SLC36A1: variants seen among roughly 807,000 people sequenced by gnomAD.
SLC36A1 encodes the protein solute carrier family 36 member 1.
In SLC36A1, 30 loss-of-function variants were observed where a neutral mutation model predicts 47.5. The ratio of observed to expected loss-of-function variants is 0.63; its 90% CI spans 0.47 to 0.86. The LOEUF is 0.86. Ranked by LOEUF, SLC36A1 falls within the 40% of genes least tolerant of loss-of-function variation. SLC36A1 has a pLI of 0.00. For missense variants in SLC36A1, 517 were observed against 606.0 expected, an observed-to-expected ratio of 0.85 and a Z score of 1.54; for synonymous variants, 255 against 249.7, an observed-to-expected ratio of 1.02 and a Z score of -0.20.
chr5:151,521,179 A>C, the SLC36A1 span: 2 of 1,320,636 alleles, frequency 1.5e-6, no homozygotes, highest in Non-Finnish European at 2.0e-6. Context: ...AACTTCCCTG[A>C]ACTCTCCCAC....
At chr5:151,524,881 A>G in the SLC36A1 span, among the ~76,000 whole-genome samples, 1 of 152,176 alleles carries the variant, frequency 6.6e-6, no homozygotes, top group African/African-American at 2.4e-5. Flanking sequence ...TCCTGGGGGC[A>G]GCCTCCCTCT....
At chr5:151,517,801 A>AGTG in the SLC36A1 span, 2 of 1,612,162 alleles carry the variant, frequency 1.2e-6, no homozygotes, top group Non-Finnish European at 1.7e-6. Context: ...CTCTACTTGA[A>AGTG]GTGGTCCCCA....
the SLC36A1 span, chr5:151,380,671 C>T: frequency 9.1e-6 from 5 of 552,184 alleles, no homozygotes; most frequent in South Asian, 4.1e-5. Context: ...AGTCAAAGAT[C>T]AGTTGGTTGA....
At chr5:151,425,248 A>G in the SLC36A1 span, 1 of 152,288 alleles carries the variant, frequency 6.6e-6, no homozygotes, top group African/African-American at 2.4e-5. Flanking sequence ...CCCACCCCAC[A>G]TTCCACGCCC....
At chr5:151,521,667 C>T in the SLC36A1 span, 9 of 1,613,952 alleles carry the variant, frequency 5.6e-6, no homozygotes, top group African/African-American at 2.7e-5. Context: ...CACTCACCAG[C>T]TCCTCGGGGG....
At chr5:151,380,952 T>C in the SLC36A1 span, 1 of 395,702 alleles carries the variant, frequency 2.5e-6, no homozygotes, top group South Asian at 2.0e-5. Flanking sequence ...TTAGCTAATT[T>C]GGTTGTGTGA....
At chr5:151,501,874 G>T in the SLC36A1 span, among the ~76,000 whole-genome samples, 2 of 148,026 alleles carry the variant, frequency 1.4e-5, no homozygotes, top group Non-Finnish European at 1.5e-5. Flanking sequence ...GTGGACCATA[G>T]ACCTAAATGT....
At chr5:151,385,779 C>T in the SLC36A1 span, among the ~76,000 whole-genome samples, 969 of 152,158 alleles carry the variant, frequency 6.4e-3, 18 homozygotes, top group African/African-American at 0.022. Context: ...ACTACCTTTA[C>T]ATACCATTTT....
At chr5:151,555,024 G>T in the SLC36A1 span, among the ~76,000 whole-genome samples, 1 of 152,182 alleles carries the variant, frequency 6.6e-6, no homozygotes, top group African/African-American at 2.4e-5. Context: ...TAAGTTGCTC[G>T]ATTAGAGAAA....
At chr5:151,465,958 A>AAG (rs1756301476) in intron 5 of SLC36A1, among the ~76,000 whole-genome samples, 1 of 151,444 alleles carries the variant, frequency 6.6e-6, no homozygotes, top group African/African-American at 2.4e-5. Context: ...AAAAAAAAAA[A>AAG]GAACCACATT....
At chr5:151,500,588 G>T in the SLC36A1 span, among the ~76,000 whole-genome samples, 1 of 152,176 alleles carries the variant, frequency 6.6e-6, no homozygotes, top group Non-Finnish European at 1.5e-5. Context: ...GGTTGGTCTC[G>T]AACTCCTGAC....
the SLC36A1 span, among the ~76,000 whole-genome samples, chr5:151,519,159 C>T: frequency 3.3e-5 from 5 of 152,254 alleles, no homozygotes; most frequent in Admixed American, 6.5e-5. Context: ...GCCTGGTCAA[C>T]GTGGTGAAAC....
At chr5:151,500,206 C>T in the SLC36A1 span, among the ~76,000 whole-genome samples, 2 of 152,298 alleles carry the variant, frequency 1.3e-5, no homozygotes, top group Admixed American at 6.5e-5. Flanking sequence ...GCGCACCTCC[C>T]GAGTCAGGCC....
At chr5:151,546,445 T>C in the SLC36A1 span, 1 of 736,464 alleles carries the variant, frequency 1.4e-6, no homozygotes, top group South Asian at 1.8e-5. Context: ...CAGAGCAAAA[T>C]CTGCATATAG....
chr5:151,528,154 T>C, the SLC36A1 span: 54 of 1,611,282 alleles, frequency 3.4e-5, no homozygotes, highest in Non-Finnish European at 4.2e-5. Context: ...GTAGGGGGAT[T>C]GTGAATGGAG....
the SLC36A1 span, among the ~76,000 whole-genome samples, chr5:151,551,043 G>A: frequency 6.6e-6 from 1 of 152,204 alleles, no homozygotes; most frequent in African/African-American, 2.4e-5. Context: ...AAGACCTTCA[G>A]ATGCTGCACA....
chr5:151,400,681 T>C, the SLC36A1 span, among the ~76,000 whole-genome samples: 2 of 151,862 alleles, frequency 1.3e-5, no homozygotes, highest in Non-Finnish European at 2.9e-5. Flanking sequence ...TTTTGTTTTG[T>C]TTTGTTTTGT....
chr5:151,503,520 C>T, the SLC36A1 span, among the ~76,000 whole-genome samples: 2 of 150,870 alleles, frequency 1.3e-5, no homozygotes, highest in Non-Finnish European at 2.9e-5. Flanking sequence ...ACGGGTGTGC[C>T]TTCTTTGCCC....
the SLC36A1 span, among the ~76,000 whole-genome samples, chr5:151,423,285 G>C: frequency 6.6e-6 from 1 of 152,162 alleles, no homozygotes; most frequent in Non-Finnish European, 1.5e-5. Flanking sequence ...GCATTCCTTG[G>C]TATTTACCCA....
Sources: gnomAD v4.1 joint callset for allele counts (sites outside exome capture counted in the v4.1 genomes callset) on GRCh38, gnomAD v4.1.1 for gene constraint, MANE v1.5 for transcripts, NCBI Gene and HGNC (gene_info 2026-07-23, HGNC 2026-07-21) for gene names.